PFDN5: variants seen among roughly 807,000 people sequenced by gnomAD.
PFDN5 encodes the protein c-myc binding protein.
Under a neutral mutation model 21.5 loss-of-function variants are expected in PFDN5, and 13 were observed. The ratio of observed to expected loss-of-function variants is 0.60; its 90% CI spans 0.39 to 0.96. The LOEUF (loss-of-function observed/expected upper bound fraction) is 0.96. PFDN5 is among the 40% of genes least tolerant of loss of function. PFDN5 has a pLI of 0.00. For synonymous variants in PFDN5, 84 were observed against 68.9 expected (o/e 1.22, Z -1.08); for missense variants, 188 against 186.2 (o/e 1.01, Z -0.06).
chr12:53,296,415 T>C (rs75095994), intron 3 of PFDN5, 140 bp downstream of exon 3: 3 of 681,650 alleles, frequency 4.4e-6, no homozygotes, highest in Non-Finnish European at 7.7e-6. Context: ...TTTTTTTTTT[T>C]CTTTCTTTTT....
At position 53,299,304 on chromosome 12, in the gene PFDN5, C is replaced by T; in HGVS notation, c.424C>T (p.Leu142Phe). 4 of 1,612,920 alleles carry T rather than the reference C, an allele frequency of 2.5e-6. No individual in the cohort carries two copies. The highest frequency in any genetic ancestry group is 1.6e-4 in the Middle Eastern group (1 of 6,062). ...AATGATGAGTCAGAAGATTCAGCAG[C>T]TCACAGCCCTGGGGGCAGCTCAGGC... ...MEMMSQKIQQ[L>F]TALGAAQATA... Residue 142 changes from leucine to phenylalanine, a missense_variant, in exon 6 of 6, where the codon CTC (leucine) becomes TTC (phenylalanine). Physicochemically the swap from Leu to Phe is conservative, Grantham distance 22 (BLOSUM62 0). Coordinates refer to ENST00000334478, the MANE Select transcript of PFDN5 (RefSeq NM_002624.4).
At chr12:53,295,981 C>T in intron 2 of PFDN5, 40 bp downstream of exon 2, 1 of 1,228,494 alleles carries the variant, frequency 8.1e-7, no homozygotes, top group Admixed American at 1.7e-5. Flanking sequence ...AAGTGGCGAA[C>T]CTGCTTCTCT....
In PFDN5 at chr12:53,295,824, C is replaced by T; in HGVS notation, c.73-15C>T. On this transcript the variant is annotated splice_polypyrimidine_tract_variant and intron_variant, in intron 1 of 5. Coordinates refer to ENST00000334478, the MANE Select transcript of PFDN5 (RefSeq NM_002624.4). ...CTTAGTCCTCTCATTGACCCGCTAT[C>T]CCGGTCCTCTGTAGGAAGTGGAGTT... 4 of 1,512,428 alleles carry T rather than the reference C, an allele frequency of 2.6e-6. No individual in the cohort carries two copies. The highest frequency in any genetic ancestry group is 3.7e-6 in the Non-Finnish European group (4 of 1,087,304). The allele number at this position is 1,512,428 out of a possible 1,614,324, so 93.7% of individuals were successfully genotyped here.
In PFDN5 at chr12:53,296,294, C is replaced by T. The variant is rs765175528; in HGVS notation, c.207+19C>T. The stretch of plus-strand genomic sequence containing the variant: ...GAGTTCTGTATCCTTTCCACAGGAA[C>T]GGCTACCTGCTGCCTTCTCCCTTTC... On this transcript the variant is annotated intron_variant, in intron 3 of 5. Transcript: ENST00000334478. The T allele has an allele frequency of 3.1e-6, 5 of 1,592,614 alleles. No individual in the cohort carries two copies. Among genetic ancestry groups the T allele is most frequent in the East Asian group, 2.2e-5 (1 of 44,634 alleles).
In PFDN5 at chr12:53,296,231, ATTG is replaced by A. The variant is rs1353047067; in HGVS notation, c.176-12_176-10del. On this transcript the variant is annotated splice_polypyrimidine_tract_variant and intron_variant, in intron 2 of 5. Transcript: ENST00000334478. ...TAACCTTCCCCAGGTGTTTGTCTTC[ATTG>A]CTTTCACAGGGAAAGAATTACTCGT... 2 of 1,609,268 alleles carry A rather than the reference ATTG, an allele frequency of 1.2e-6. No individual in the cohort carries two copies.
rs1218040562 is a variant in PFDN5, at chr12:53,296,411, T to A, written c.207+136T>A. On this transcript the variant is annotated intron_variant, in intron 3 of 5. Coordinates refer to ENST00000334478, the MANE Select transcript of PFDN5 (RefSeq NM_002624.4). Reference sequence around the variant, plus strand: ...AATGATTTTGAGGATACCCTTTTTTTTTTTCTTTCTTTTTTGAGACGGAAT... The same window carrying A: ...AATGATTTTGAGGATACCCTTTTTTATTTTCTTTCTTTTTTGAGACGGAAT... The A allele has an allele frequency of 4.0e-6, 3 of 754,682 alleles. No individual in the cohort carries two copies. The African/African-American group carries it at 5.2e-5, about 13-fold the overall frequency. The allele number at this position is 754,682 out of a possible 1,614,324, so 46.7% of individuals were successfully genotyped here.
intron 2 of PFDN5, 101 bp from the exon 3 acceptor site, chr12:53,296,143 T>G: frequency 7.6e-6 from 8 of 1,053,058 alleles, no homozygotes; most frequent in Non-Finnish European, 1.2e-5. Flanking sequence ...TCCGTTCTTT[T>G]CACACTGTCT....
At chr12:53,297,951 C>G in intron 4 of PFDN5, 27 bp downstream of exon 4, 1 of 1,592,992 alleles carries the variant, frequency 6.3e-7, no homozygotes, top group Non-Finnish European at 8.6e-7. Flanking sequence ...GGATGCCCCT[C>G]TAAACAGGGA....
chr12:53,296,225 GTCTTC>G lies in PFDN5; in HGVS notation c.176-18_176-14del, dbSNP rs1274647666. ...AGCCGCTAACCTTCCCCAGGTGTTT[GTCTTC>G]ATTGCTTTCACAGGGAAAGAATTAC... On this transcript the variant is annotated splice_polypyrimidine_tract_variant and intron_variant, in intron 2 of 5. Coordinates refer to ENST00000334478, the MANE Select transcript of PFDN5 (RefSeq NM_002624.4). 2 of 1,608,328 alleles carry G rather than the reference GTCTTC, an allele frequency of 1.2e-6. No individual in the cohort carries two copies.
At chr12:53,299,186 G>T in intron 5 of PFDN5, 83 bp from the exon 6 acceptor site, 1 of 843,408 alleles carries the variant, frequency 1.2e-6, no homozygotes, top group Non-Finnish European at 2.0e-6. Flanking sequence ...TCGGTCGCCT[G>T]TCCTTAAACT....
chr12:53,296,307 C>T (rs1162264412), intron 3 of PFDN5, 32 bp downstream of exon 3: 3 of 1,569,038 alleles, frequency 1.9e-6, no homozygotes, highest in Non-Finnish European at 2.6e-6. Flanking sequence ...CTACCTGCTG[C>T]CTTCTCCCTT....
In PFDN5 at chr12:53,297,859, C is replaced by T. The variant is rs755345714; in HGVS notation, c.217C>T (p.Pro73Ser). 3 of 1,610,884 alleles carry T rather than the reference C, an allele frequency of 1.9e-6. No individual in the cohort carries two copies. The highest frequency in any genetic ancestry group is 2.5e-6 in the Non-Finnish European group (3 of 1,178,210). ...LVPLTSSMYV[P>S]GKLHDVEHVL... ...AATTCTTGCTTCTCAGATGTATGTC[C>T]CTGGGAAGCTGCATGATGTGGAACA... The change falls in exon 4 of 6, where the codon CCT becomes TCT. Residue 73 changes from proline to serine, a missense_variant. Pro to Ser is a moderately conservative substitution (Grantham distance 74, BLOSUM62 -1). Coordinates refer to ENST00000334478, the MANE Select transcript of PFDN5 (RefSeq NM_002624.4).
intron 3 of PFDN5, 110 bp downstream of exon 3, chr12:53,296,385 C>G (rs1348602548): frequency 1.2e-6 from 1 of 826,288 alleles, no homozygotes; most frequent in Non-Finnish European, 2.0e-6. Flanking sequence ...CCTCTCCTCA[C>G]AATGATTTTG....
chr12:53,295,801 T>TAGTCCTCTCATTGACCCGCTATCCC, intron 1 of PFDN5, 38 bp from the exon 2 acceptor site: 1 of 1,358,444 alleles, frequency 7.4e-7, no homozygotes, highest in South Asian at 1.2e-5. Flanking sequence ...TTTCTCCCCT[T>TAGTCCTCTCATTGACCCGCTATCCC]AGTCCTCTCA....
At chr12:53,298,190 A>G (rs1009930704) in intron 5 of PFDN5, 40 bp downstream of exon 5, 2 of 1,214,228 alleles carry the variant, frequency 1.6e-6, no homozygotes, top group Non-Finnish European at 2.5e-6. Context: ...CTATCTCCAT[A>G]ATAAGGAACA....
At position 53,298,917 on chromosome 12, in the gene PFDN5, C is replaced by T; in HGVS notation, c.389-352C>T. On this transcript the variant is annotated intron_variant, in intron 5 of 5. Transcript: ENST00000334478. ...TTGGGAGGCCAAGGCAGGTGGATCA[C>T]CTGAGGTTAGGAGTTCAAGACCAGC... is the stretch of plus-strand genomic sequence containing the variant. 3 of 210,168 alleles carry T rather than the reference C, an allele frequency of 1.4e-5. No individual in the cohort carries two copies. The South Asian group carries it at 1.8e-4, about 12-fold the overall frequency. 13.0% of individuals were successfully genotyped at this position (210,168 alleles called of 1,614,324 possible).
At chr12:53,297,043 GT>G (rs1944159892) in intron 3 of PFDN5, 1 of 153,178 alleles carries the variant, frequency 6.5e-6, no homozygotes, top group Admixed American at 6.5e-5. Flanking sequence ...GAATGAGCAA[GT>G]TATGGCAGTA....
rs141429195 is a variant in PFDN5 at position 53,298,137 on chromosome 12, C to T, written c.375C>T (p.His125=). Residue 125 remains histidine, a synonymous_variant, in exon 5 of 6, where the codon CAC becomes CAT. Coordinates refer to ENST00000334478, the MANE Select transcript of PFDN5 (RefSeq NM_002624.4). ...TCCAACCAGCTCTTCAGGAGAAGCA[C>T]GCCATGAAACAGGGTAAGTTTTTCC... The part of the protein sequence containing the change: ...EKIQPALQEK[H]AMKQAVMEMM... 18 of 1,607,552 alleles carry T rather than the reference C, an allele frequency of 1.1e-5. No individual in the cohort carries two copies. Among genetic ancestry groups the T allele is most frequent in the African/African-American group, 9.4e-5 (7 of 74,816 alleles).
At chr12:53,295,975 G>A (rs1944145245) in intron 2 of PFDN5, 34 bp downstream of exon 2, 1 of 1,296,360 alleles carries the variant, frequency 7.7e-7, no homozygotes, top group African/African-American at 1.4e-5. Context: ...AACCTAAAGT[G>A]GCGAACCTGC....
Sources: gnomAD v4.1 joint callset for allele counts on GRCh38, gnomAD v4.1.1 for gene constraint, MANE v1.5 for transcripts, NCBI Gene and HGNC (gene_info 2026-07-23, HGNC 2026-07-21) for gene names.